LVRN: variants seen among roughly 807,000 people sequenced by gnomAD.
The protein encoded by LVRN is laeverin.
In LVRN, 99 loss-of-function variants were observed where a neutral mutation model predicts 111.4. The observed-to-expected ratio is 0.89, with a 90% CI of 0.76 to 1.05. The LOEUF (loss-of-function observed/expected upper bound fraction) is 1.05, where lower values mean the gene tolerates loss of function less well. LVRN is among the 50% of genes least tolerant of loss of function. The pLI is 0.00. For missense variants in LVRN, 1,414 were observed against 1,206.8 expected (o/e 1.17, Z -2.54); for synonymous variants, 488 against 449.5 (o/e 1.09, Z -1.08).
chr5:115,965,298 G>A (rs998202918), intron 1 of LVRN, among the ~76,000 whole-genome samples: 3 of 152,138 alleles, frequency 2.0e-5, no homozygotes, highest in African/African-American at 7.2e-5. Flanking sequence ...GCTGGGGAGT[G>A]GGGAGTTATT....
intron 14 of LVRN, among the ~76,000 whole-genome samples, chr5:116,011,346 A>G (rs1298835308): frequency 6.6e-6 from 1 of 152,156 alleles, no homozygotes; most frequent in Non-Finnish European, 1.5e-5. Flanking sequence ...TATATTCCAG[A>G]AAATGTAAAA....
chr5:115,980,026 A>G (rs1753529557), intron 1 of LVRN, among the ~76,000 whole-genome samples: 1 of 152,150 alleles, frequency 6.6e-6, no homozygotes, highest in Admixed American at 6.5e-5. Flanking sequence ...GAAAACAGTG[A>G]GTCCATGATT....
At chr5:116,012,510 C>A in intron 15 of LVRN, 42 bp downstream of exon 15, 3 of 1,186,416 alleles carry the variant, frequency 2.5e-6, no homozygotes, top group South Asian at 1.4e-5. Context: ...AAAATGCATT[C>A]ATATTAATAG....
intron 15 of LVRN, among the ~76,000 whole-genome samples, chr5:116,013,206 A>G (rs1328615111): frequency 6.6e-6 from 1 of 152,202 alleles, no homozygotes; most frequent in Non-Finnish European, 1.5e-5. Flanking sequence ...ACAAAGTATG[A>G]TTATTCTGTC....
chr5:115,994,221 CAT>C (rs1413435708), intron 6 of LVRN, among the ~76,000 whole-genome samples: 1 of 152,038 alleles, frequency 6.6e-6, no homozygotes. Context: ...ATTCCTACTA[CAT>C]ATATTTCTTA....
intron 5 of LVRN, among the ~76,000 whole-genome samples, chr5:115,992,596 A>C (rs116167981): frequency 0.022 from 3,403 of 152,230 alleles, 137 homozygotes; most frequent in African/African-American, 0.077. Flanking sequence ...TTTTCATTTC[A>C]CCTAAAATAA....
Position 115,995,340 on chromosome 5 carries a change from C to G in LVRN, c.1374+1486C>G, listed in dbSNP as rs544940444. The G allele has an allele frequency of 2.0e-5, 3 of 152,300 alleles. 1 individual carries two copies. In the East Asian group the frequency reaches 5.8e-4, roughly 29 times the overall value. 9.4% of individuals were successfully genotyped at this position (152,300 alleles called of 1,614,324 possible). ...TTATCTGTTTGTGACATCACAGCAT[C>G]TGGCAAGCACTGATGTAGTGCACGC... On this transcript the variant is annotated intron_variant, in intron 6 of 19. Transcript: ENST00000357872.
chr5:115,994,346 C>T (rs1748060478), intron 6 of LVRN, among the ~76,000 whole-genome samples: 1 of 152,154 alleles, frequency 6.6e-6, no homozygotes, highest in South Asian at 2.1e-4. Context: ...GATCTTGACT[C>T]AATGCAGTCT....
Position 116,014,406 on chromosome 5 carries a change from A to G in LVRN, c.2343-14A>G. 6.3e-7 allele frequency: 1 copy of G among 1,596,970 alleles called. No individual in the cohort carries two copies. On this transcript the variant is annotated splice_polypyrimidine_tract_variant and intron_variant, in intron 15 of 19. Transcript: ENST00000357872. ...ATGCAAAATAAACTGTTTTTCTTTG[A>G]CTTTTTCTTCAAGAATATCACTGGA... is the stretch of plus-strand genomic sequence containing the variant.
chr5:116,014,426 A>G lies in LVRN; in HGVS notation c.2349A>G (p.Ser783=), dbSNP rs893198924. The G allele has an allele frequency of 1.9e-6, 3 of 1,610,178 alleles. No individual in the cohort carries two copies. Among genetic ancestry groups the G allele is most frequent in the African/African-American group, 2.7e-5 (2 of 74,930 alleles). The part of the protein sequence containing the change: ...ALQDDYLALI[S]LEKLFVTACW... ...CTTTGACTTTTTCTTCAAGAATATC[A>G]CTGGAAAAACTTTTTGTAACTGCGT... The change falls in exon 16 of 20, where the codon TCA becomes TCG. Residue 783 remains serine, a synonymous_variant. Transcript: ENST00000357872.
chr5:115,983,194 C>T, intron 1 of LVRN, 93 bp from the exon 2 acceptor site: 1 of 1,370,462 alleles, frequency 7.3e-7, no homozygotes, highest in Non-Finnish European at 9.7e-7. Flanking sequence ...TCTAACACAC[C>T]AGGCTAACTT....
Position 116,003,371 on chromosome 5 carries a change from G to T in LVRN, c.2028G>T (p.Lys676Asn). 1 of 1,447,448 alleles carries T rather than the reference G, an allele frequency of 6.9e-7. No homozygotes were observed. Among genetic ancestry groups the T allele is most frequent in the Admixed American group, 2.3e-5 (1 of 43,090 alleles). The allele number at this position is 1,447,448 out of a possible 1,614,324, so 89.7% of individuals were successfully genotyped here. The change falls in exon 12 of 20, where the codon AAG becomes AAT. Residue 676 changes from lysine (K) to asparagine (N), a missense_variant. Lys to Asn is a moderately conservative substitution (Grantham distance 94). Transcript: ENST00000357872. Reference protein sequence around the residue: ...GWKKLNQQLEKDPKAIPVIHR... With the variant: ...GWKKLNQQLENDPKAIPVIHR... Reference sequence around the variant, plus strand: ...AGAAACTAAATCAACAACTTGAAAAGGATCCTAAGGTAAGGTTACTTTTGA... The same window carrying T: ...AGAAACTAAATCAACAACTTGAAAATGATCCTAAGGTAAGGTTACTTTTGA...
At chr5:116,009,725 C>T (rs547072067) in intron 13 of LVRN, among the ~76,000 whole-genome samples, 196 of 152,200 alleles carry the variant, frequency 1.3e-3, no homozygotes, top group African/African-American at 4.4e-3. Context: ...CCTGAAGATG[C>T]GACTGAATTG....
intron 1 of LVRN, among the ~76,000 whole-genome samples, chr5:115,978,159 A>G (rs1428593324): frequency 1.3e-5 from 2 of 152,200 alleles, no homozygotes; most frequent in Non-Finnish European, 2.9e-5. Flanking sequence ...CAAGAGAGAA[A>G]TTTGAGCAGT....
At chr5:116,014,620 T>G (rs1280906658) in intron 16 of LVRN, 93 bp downstream of exon 16, 3 of 1,012,972 alleles carry the variant, frequency 3.0e-6, no homozygotes, top group East Asian at 2.5e-5. Flanking sequence ...ATGAGTGTTT[T>G]GCTTTCACTT....
chr5:115,988,399 G>A (rs559505099), intron 4 of LVRN, among the ~76,000 whole-genome samples: 5 of 151,352 alleles, frequency 3.3e-5, no homozygotes, highest in Non-Finnish European at 7.4e-5. Flanking sequence ...TCCCAACTAT[G>A]AATTTTCATC....
Position 115,987,913 on chromosome 5 carries a change from A to G in LVRN, c.1079A>G (p.Asn360Ser), listed in dbSNP as rs1747905003. ...TTCTCTTTTCTGGAGGATTTGTTTA[A>G]TATCAGTTACTCTCTTCCAAAAACA... ...PIFSFLEDLFNISYSLPKTDI... is the reference protein window; with the variant it reads ...PIFSFLEDLFSISYSLPKTDI... Residue 360 changes from asparagine (N) to serine (S), a missense_variant, in exon 4 of 20, where the codon AAT (asparagine) becomes AGT (serine). Physicochemically the swap from Asn to Ser is conservative, Grantham distance 46. Transcript: ENST00000357872. The G allele has an allele frequency of 8.1e-6, 13 of 1,612,848 alleles. No individual in the cohort carries two copies. Among genetic ancestry groups the G allele is most frequent in the South Asian group, 1.1e-5 (1 of 90,882 alleles).
intron 5 of LVRN, 82 bp from the exon 6 acceptor site, chr5:115,993,659 A>T: frequency 1.1e-6 from 1 of 889,372 alleles, no homozygotes; most frequent in South Asian, 1.6e-5. Context: ...TTGACCTTAC[A>T]TTTACTTAAC....
rs1210261776 is a variant in LVRN, at chr5:115,963,109, G to C, written c.492G>C (p.Pro164=). 1 of 1,613,580 alleles carries C rather than the reference G, an allele frequency of 6.2e-7. No homozygotes were observed. The highest frequency in any genetic ancestry group is 8.5e-7 in the Non-Finnish European group (1 of 1,179,950). ...ERAEVRGPLS[P]GTGNATVGRV... is the part of the protein sequence containing the mutation. Reference sequence around the variant, plus strand: ...CCGAGGTGCGGGGACCCCTTTCCCCGGGCACTGGGAACGCCACAGTGGGCC... The same window carrying C: ...CCGAGGTGCGGGGACCCCTTTCCCCCGGCACTGGGAACGCCACAGTGGGCC... The change falls in exon 1 of 20, where the codon CCG becomes CCC. Residue 164 remains proline, a synonymous_variant. Coordinates refer to ENST00000357872, the MANE Select transcript of LVRN (RefSeq NM_173800.5).
Sources: gnomAD v4.1 joint callset for allele counts (sites outside exome capture counted in the v4.1 genomes callset) on GRCh38, gnomAD v4.1.1 for gene constraint, MANE v1.5 for transcripts, NCBI Gene and HGNC (gene_info 2026-07-23, HGNC 2026-07-21) for gene names.